KATNBL1: variants seen among roughly 807,000 people sequenced by gnomAD.
KATNBL1 encodes the protein KATNB1-like protein 1.
A neutral mutation model predicts 44.7 loss-of-function variants in KATNBL1; 28 were observed. The ratio of observed to expected loss-of-function variants is 0.63; its 90% CI spans 0.46 to 0.86. The LOEUF (loss-of-function observed/expected upper bound fraction) is 0.86, where lower values mean the gene tolerates loss of function less well. Among genes scored for constraint, KATNBL1 ranks in the 40% least tolerant of loss-of-function variants. The probability of loss-of-function intolerance (pLI) is 0.00; values close to 1 mark genes in which losing one functional copy is unlikely to be tolerated. For missense variants in KATNBL1, 272 were observed against 350.7 expected, an observed-to-expected ratio of 0.78 and a Z score of 1.79; for synonymous variants, 78 against 114.9, an observed-to-expected ratio of 0.68 and a Z score of 2.06.
At chr15:34,207,353 C>T (rs377185398) in intron 1 of KATNBL1, among the ~76,000 whole-genome samples, 2 of 152,054 alleles carry the variant, frequency 1.3e-5, no homozygotes, top group African/African-American at 4.8e-5. Context: ...GAACTACAGG[C>T]GTGTGACACC....
At chr15:34,146,560 C>T (rs762969328) in intron 8 of KATNBL1, 1 of 506,350 alleles carries the variant, frequency 2.0e-6, no homozygotes, top group African/African-American at 1.9e-5. Context: ...AGAAGAGATA[C>T]AGGAGGTTAG....
intron 1 of KATNBL1, among the ~76,000 whole-genome samples, chr15:34,192,738 T>C (rs1889912501): frequency 1.3e-5 from 2 of 152,168 alleles, no homozygotes; most frequent in African/African-American, 2.4e-5. Flanking sequence ...GAAGGATGCA[T>C]AGAAGAAGAA....
chr15:34,175,840 G>A (rs577515074), intron 1 of KATNBL1, among the ~76,000 whole-genome samples: 19 of 151,918 alleles, frequency 1.3e-4, no homozygotes, highest in African/African-American at 4.6e-4. Flanking sequence ...ACTCCAGCCT[G>A]GGTGAGAAAA....
chr15:34,161,251 T>C (rs970321388), intron 2 of KATNBL1, among the ~76,000 whole-genome samples: 2 of 152,122 alleles, frequency 1.3e-5, no homozygotes, highest in African/African-American at 4.8e-5. Flanking sequence ...TATGTGATTA[T>C]TTTTTTTCCC....
chr15:34,143,862 G>A (rs1888227636), intron 9 of KATNBL1, among the ~76,000 whole-genome samples: 1 of 148,810 alleles, frequency 6.7e-6, no homozygotes, highest in African/African-American at 2.5e-5. Flanking sequence ...AGCTAATCGG[G>A]AGGCTGAGGC....
At chr15:34,196,629 G>A (rs554213652) in intron 1 of KATNBL1, among the ~76,000 whole-genome samples, 2 of 152,220 alleles carry the variant, frequency 1.3e-5, no homozygotes, top group African/African-American at 4.8e-5. Flanking sequence ...TCGGGAGGCT[G>A]ATGCAGGAGA....
intron 1 of KATNBL1, among the ~76,000 whole-genome samples, chr15:34,181,702 C>CCATATATATACA (rs1889549099): frequency 3.9e-5 from 1 of 25,592 alleles, no homozygotes; most frequent in South Asian, 2.2e-3. Context: ...ATATATATAT[C>CCATATATATACA]CATATATATG....
chr15:34,153,071 T>G lies in KATNBL1; in HGVS notation c.159-2A>C. 1 of 1,573,592 alleles carries G rather than the reference T, an allele frequency of 6.4e-7. No homozygotes were observed. The highest frequency in any genetic ancestry group is 8.6e-7 in the Non-Finnish European group (1 of 1,162,688). ...CTTTTCACAGTTTGTCCAACTGTTC[T>G]GTAAAAAGAATTTATTTTCTTAAAT... is the stretch of plus-strand genomic sequence containing the variant. On this transcript the variant is annotated splice_acceptor_variant, in intron 3 of 9. Coordinates refer to ENST00000256544, the MANE Select transcript of KATNBL1 (RefSeq NM_024713.3). LOFTEE classifies it high-confidence loss of function.
chr15:34,201,144 G>C (rs1890168251), intron 1 of KATNBL1, among the ~76,000 whole-genome samples: 1 of 152,180 alleles, frequency 6.6e-6, no homozygotes. Flanking sequence ...AGTCCACTTA[G>C]ATTACTACAT....
intron 9 of KATNBL1, 64 bp from the exon 10 acceptor site, chr15:34,142,435 T>C: frequency 1.5e-6 from 2 of 1,335,046 alleles, no homozygotes; most frequent in Non-Finnish European, 2.0e-6. Context: ...AAACAATCCA[T>C]TTTTTTTTGT....
chr15:34,192,931 A>T (rs1259041078), intron 1 of KATNBL1, among the ~76,000 whole-genome samples: 1 of 152,152 alleles, frequency 6.6e-6, no homozygotes, highest in Non-Finnish European at 1.5e-5. Context: ...AAATAACTTA[A>T]GGCTTGCCGG....
rs147220991 is a variant in KATNBL1 at position 34,154,694 on chromosome 15, G to C, written c.118-10C>G. The C allele has an allele frequency of 4.5e-6, 7 of 1,548,730 alleles. No homozygotes were observed. The Admixed American group carries it at 6.7e-5, about 15-fold the overall frequency. ...TTGGAGATTTCTTAACCTGAAAAAT[G>C]AAAGTAGATAGTTGATGTTAGAAAC... is the stretch of plus-strand genomic sequence containing the variant. On this transcript the variant is annotated splice_polypyrimidine_tract_variant and intron_variant, in intron 2 of 9. Coordinates refer to ENST00000256544, the MANE Select transcript of KATNBL1 (RefSeq NM_024713.3).
chr15:34,192,863 C>A (rs190216853), intron 1 of KATNBL1, among the ~76,000 whole-genome samples: 4 of 152,324 alleles, frequency 2.6e-5, no homozygotes, highest in Admixed American at 2.0e-4. Context: ...CAGTATTAAA[C>A]GTTTTTACTT....
chr15:34,189,945 T>TGC, intron 1 of KATNBL1, among the ~76,000 whole-genome samples: 3 of 101,456 alleles, frequency 3.0e-5, no homozygotes, highest in Non-Finnish European at 4.6e-5. Context: ...AAGAAGTACA[T>TGC]TCTTTTTTTT....
chr15:34,189,106 C>G (rs1181253577), intron 1 of KATNBL1, among the ~76,000 whole-genome samples: 1 of 151,260 alleles, frequency 6.6e-6, no homozygotes, highest in Non-Finnish European at 1.5e-5. Flanking sequence ...TCTCGGCTCA[C>G]CACAACCTCT....
chr15:34,158,236 G>A (rs1384698781), intron 2 of KATNBL1, among the ~76,000 whole-genome samples: 7 of 152,208 alleles, frequency 4.6e-5, no homozygotes, highest in Non-Finnish European at 2.9e-5. Context: ...GGTCCCCAAT[G>A]AGTCTCTTGA....
intron 2 of KATNBL1, among the ~76,000 whole-genome samples, chr15:34,160,773 C>T (rs966207484): frequency 6.6e-6 from 1 of 152,102 alleles, no homozygotes; most frequent in African/African-American, 2.4e-5. Flanking sequence ...TGGGGTAAGG[C>T]TCAATCTCCC....
At chr15:34,173,900 T>A (rs1199049490) in intron 1 of KATNBL1, among the ~76,000 whole-genome samples, 2 of 152,030 alleles carry the variant, frequency 1.3e-5, no homozygotes, top group Admixed American at 1.3e-4. Context: ...GAAAGAAAAT[T>A]AAGAGAATTT....
intron 2 of KATNBL1, among the ~76,000 whole-genome samples, chr15:34,157,703 C>A (rs896536625): frequency 2.6e-5 from 4 of 152,164 alleles, no homozygotes; most frequent in Non-Finnish European, 5.9e-5. Context: ...GCATCTAGTC[C>A]ATGGCAACCG....
Sources: gnomAD v4.1 joint callset for allele counts (sites outside exome capture counted in the v4.1 genomes callset) on GRCh38, gnomAD v4.1.1 for gene constraint, MANE v1.5 for transcripts, NCBI Gene and HGNC (gene_info 2026-07-23, HGNC 2026-07-21) for gene names.